The following TMEM178B variants were observed in gnomAD, a reference collection of about 807,000 sequenced individuals.
TMEM178B encodes the protein transmembrane protein 178B.
In TMEM178B, 5 loss-of-function variants were observed where a neutral mutation model predicts 31.0. That is an observed-to-expected ratio of 0.16 (90% CI 0.08 to 0.34). The LOEUF (loss-of-function observed/expected upper bound fraction) is 0.34. Ranked by LOEUF, TMEM178B falls within the 10% of genes least tolerant of loss-of-function variation. TMEM178B has a pLI of 1.00. For synonymous variants in TMEM178B, 164 were observed against 164.0 expected (o/e 1.00, Z 0.00); for missense variants, 275 against 400.3 (o/e 0.69, Z 2.67).
intron 2 of TMEM178B, among the ~76,000 whole-genome samples, chr7:141,215,790 CTTT>C: frequency 1.6e-5 from 1 of 60,644 alleles, no homozygotes; most frequent in Non-Finnish European, 3.1e-5. Flanking sequence ...TTCTTTCTTT[CTTT>C]CTTTCTTTCT....
chr7:141,373,263 G>A (rs1482593658), intron 2 of TMEM178B, among the ~76,000 whole-genome samples: 1 of 152,154 alleles, frequency 6.6e-6, no homozygotes, highest in East Asian at 1.9e-4. Context: ...CAGAGCAAAT[G>A]GTGAGAGAAA....
At chr7:141,207,772 C>T (rs1003755599) in intron 1 of TMEM178B, among the ~76,000 whole-genome samples, 5 of 152,268 alleles carry the variant, frequency 3.3e-5, no homozygotes, top group African/African-American at 9.6e-5. Flanking sequence ...AAGTGTCCCA[C>T]CAGTCCAGGG....
chr7:141,373,665 T>C (rs982762588), intron 2 of TMEM178B, among the ~76,000 whole-genome samples: 5 of 152,048 alleles, frequency 3.3e-5, no homozygotes, highest in Admixed American at 2.0e-4. Context: ...CCAACACACA[T>C]TGGGCAGGCT....
At chr7:141,455,459 T>G (rs1051110418) in intron 3 of TMEM178B, among the ~76,000 whole-genome samples, 2 of 152,244 alleles carry the variant, frequency 1.3e-5, no homozygotes, top group Non-Finnish European at 2.9e-5. Context: ...CTGCTTATAT[T>G]AATTTCAGTG....
At chr7:141,371,078 A>G (rs1259375746) in intron 2 of TMEM178B, among the ~76,000 whole-genome samples, 1 of 152,258 alleles carries the variant, frequency 6.6e-6, no homozygotes, top group Non-Finnish European at 1.5e-5. Context: ...AGGCAGATCT[A>G]TGAGCAAAGC....
At chr7:141,219,663 A>G (rs915625570) in intron 2 of TMEM178B, among the ~76,000 whole-genome samples, 7 of 152,188 alleles carry the variant, frequency 4.6e-5, no homozygotes, top group African/African-American at 1.4e-4. Flanking sequence ...TAAACCTTTC[A>G]GTATACCCAC....
intron 2 of TMEM178B, among the ~76,000 whole-genome samples, chr7:141,267,655 C>T (rs904428965): frequency 3.3e-5 from 5 of 152,246 alleles, no homozygotes; most frequent in Non-Finnish European, 5.9e-5. Context: ...GCCTTGTGTG[C>T]TTCAGGCTTC....
chr7:141,388,781 G>C (rs1021798772), intron 2 of TMEM178B, among the ~76,000 whole-genome samples: 3 of 150,978 alleles, frequency 2.0e-5, no homozygotes, highest in Admixed American at 6.6e-5. Flanking sequence ...GTTTGGGGCT[G>C]ATTTATATAG....
chr7:141,430,811 C>T (rs1214594931), intron 2 of TMEM178B, among the ~76,000 whole-genome samples: 1 of 152,158 alleles, frequency 6.6e-6, no homozygotes, highest in African/African-American at 2.4e-5. Context: ...AGGACAAAAA[C>T]ACTTGAGTTC....
At chr7:141,111,609 C>G (rs917494365) in intron 1 of TMEM178B, among the ~76,000 whole-genome samples, 2 of 152,168 alleles carry the variant, frequency 1.3e-5, no homozygotes, top group South Asian at 4.2e-4. Context: ...GTGGCTTCTT[C>G]TTGTCTCAGC....
At position 141,474,061 on chromosome 7, in the gene TMEM178B, AGCC is replaced by A. The variant is rs747962947; in HGVS notation, c.*3278_*3280del. 1 of 152,218 alleles carries A rather than the reference AGCC, an allele frequency of 6.6e-6. No individual in the cohort carries two copies. The highest frequency in any genetic ancestry group is 2.4e-5 in the African/African-American group (1 of 41,458). 9.4% of individuals were successfully genotyped at this position (152,218 alleles called of 1,614,324 possible). ...GGTCAATGACCTCACTAAAGTCACC[AGCC>A]GCAACCCCAGGTCAAGTTCAAACTT... On this transcript the variant is annotated 3_prime_UTR_variant, in exon 4 of 4. Coordinates refer to ENST00000565468, the MANE Select transcript of TMEM178B (RefSeq NM_001195278.2).
At chr7:141,211,037 G>A (rs1194599891) in intron 1 of TMEM178B, among the ~76,000 whole-genome samples, 1 of 152,168 alleles carries the variant, frequency 6.6e-6, no homozygotes, top group Non-Finnish European at 1.5e-5. Context: ...ATTAGAGCGT[G>A]TGGGGTTGGA....
chr7:141,336,614 A>C (rs896426334), intron 2 of TMEM178B, among the ~76,000 whole-genome samples: 2 of 152,034 alleles, frequency 1.3e-5, no homozygotes, highest in African/African-American at 4.8e-5. Context: ...TTTTATCATA[A>C]GGATGATATC....
chr7:141,316,950 G>A (rs1438264118), intron 2 of TMEM178B, among the ~76,000 whole-genome samples: 1 of 152,180 alleles, frequency 6.6e-6, no homozygotes, highest in Non-Finnish European at 1.5e-5. Flanking sequence ...CTCCAGTAAT[G>A]GGAATGATGG....
chr7:141,121,595 T>C (rs550683920), intron 1 of TMEM178B, among the ~76,000 whole-genome samples: 1 of 152,304 alleles, frequency 6.6e-6, no homozygotes, highest in Admixed American at 6.5e-5. Context: ...AGGGTGTGCA[T>C]TTTTGAGTCC....
At chr7:141,500,178 A>G in the TMEM178B span, among the ~76,000 whole-genome samples, 2 of 152,214 alleles carry the variant, frequency 1.3e-5, no homozygotes, top group African/African-American at 4.8e-5. Context: ...TTGACCATCA[A>G]TTATGTGGCA....
chr7:141,193,767 G>A (rs901498262), intron 1 of TMEM178B, among the ~76,000 whole-genome samples: 1 of 152,162 alleles, frequency 6.6e-6, no homozygotes, highest in Non-Finnish European at 1.5e-5. Context: ...CCCAGCCCAG[G>A]TCCTTCCCTG....
At chr7:141,412,121 CA>C (rs1801002377) in intron 2 of TMEM178B, among the ~76,000 whole-genome samples, 3 of 152,102 alleles carry the variant, frequency 2.0e-5, no homozygotes, top group Admixed American at 2.0e-4. Context: ...TGTCTTTGTT[CA>C]GTAAGAAGTG....
intron 2 of TMEM178B, among the ~76,000 whole-genome samples, chr7:141,366,378 A>G (rs1800005403): frequency 6.6e-6 from 1 of 152,184 alleles, no homozygotes; most frequent in Non-Finnish European, 1.5e-5. Context: ...GGTCACGACA[A>G]ATTTGTTTCA....
Sources: allele counts gnomAD v4.1 joint callset (sites outside exome capture counted in the v4.1 genomes callset), GRCh38; gene constraint gnomAD v4.1.1; transcripts MANE v1.5; gene names NCBI Gene and HGNC (gene_info 2026-07-23, HGNC 2026-07-21).